The following GSK3B variants were observed in gnomAD, a reference collection of about 807,000 sequenced individuals.
GSK3B encodes glycogen synthase kinase-3 beta.
GSK3B carries 15 observed loss-of-function variants against 56.4 expected under a neutral mutation model. The ratio of observed to expected loss-of-function variants is 0.27; its 90% CI spans 0.18 to 0.41. The LOEUF (loss-of-function observed/expected upper bound fraction) is 0.41. Ranked by LOEUF, GSK3B falls within the 10% of genes least tolerant of loss-of-function variation. The pLI, the probability that GSK3B is intolerant of heterozygous loss-of-function variation, is 1.00. For missense variants in GSK3B, 300 were observed against 513.4 expected (o/e 0.58, Z 4.02); for synonymous variants, 181 against 188.9 (o/e 0.96, Z 0.34).
At chr3:119,858,495 C>T (rs993595510) in intron 9 of GSK3B, among the ~76,000 whole-genome samples, 7 of 152,222 alleles carry the variant, frequency 4.6e-5, no homozygotes, top group South Asian at 2.1e-4. Context: ...TTCCTTGTAG[C>T]TTCCTCACCT....
chr3:120,068,760 T>C (rs1029831797), intron 1 of GSK3B, among the ~76,000 whole-genome samples: 4 of 151,654 alleles, frequency 2.6e-5, no homozygotes, highest in South Asian at 2.1e-4. Flanking sequence ...AGTAACGGTA[T>C]AGAAAAAGTA....
Position 119,822,463 on chromosome 3 carries a change from G to C in GSK3B, c.*4325C>G, listed in dbSNP as rs190739224. 23 of 223,342 alleles carry C rather than the reference G, an allele frequency of 1.0e-4. No individual in the cohort carries two copies. Among genetic ancestry groups the C allele is most frequent in the African/African-American group, 4.9e-4 (22 of 44,876 alleles). 13.8% of individuals were successfully genotyped at this position (223,342 alleles called of 1,614,324 possible). On this transcript the variant is annotated 3_prime_UTR_variant, in exon 11 of 11. Coordinates refer to ENST00000264235, the MANE Select transcript of GSK3B (RefSeq NM_001146156.2). ...AAAAAAACTTAAAAATTAACACAAG[G>C]AAGTCTACTTTGTCAAGCTAACCCC...
intron 2 of GSK3B, among the ~76,000 whole-genome samples, chr3:119,958,687 C>G (rs1049644735): frequency 6.6e-6 from 1 of 151,152 alleles, no homozygotes; most frequent in East Asian, 1.9e-4. Flanking sequence ...CTCCCTCGAC[C>G]CTGGAAGAAA....
chr3:119,913,531 C>T (rs931666828), intron 5 of GSK3B, among the ~76,000 whole-genome samples: 2 of 151,692 alleles, frequency 1.3e-5, no homozygotes, highest in Admixed American at 6.6e-5. Flanking sequence ...TTTGAGATGT[C>T]GCCCAAGATA....
At chr3:120,005,668 G>T (rs567708547) in intron 1 of GSK3B, among the ~76,000 whole-genome samples, 1 of 152,190 alleles carries the variant, frequency 6.6e-6, no homozygotes, top group South Asian at 2.1e-4. Context: ...TTCATATCCC[G>T]CCAAACTAAG....
intron 7 of GSK3B, among the ~76,000 whole-genome samples, chr3:119,902,672 C>T (rs2056636450): frequency 1.3e-5 from 2 of 152,144 alleles, no homozygotes; most frequent in African/African-American, 2.4e-5. Flanking sequence ...GTTGGGATTA[C>T]AGGTGTTAGC....
At chr3:119,916,286 GA>G (rs1189799530) in intron 4 of GSK3B, 112 bp from the exon 5 acceptor site, 2 of 796,102 alleles carry the variant, frequency 2.5e-6, no homozygotes, top group Non-Finnish European at 4.0e-6. Context: ...AAATGCTATG[GA>G]TTACTGGCAC....
At chr3:120,032,335 G>A (rs1043915461) in intron 1 of GSK3B, among the ~76,000 whole-genome samples, 4 of 151,980 alleles carry the variant, frequency 2.6e-5, no homozygotes, top group South Asian at 2.1e-4. Flanking sequence ...ATTAGCCAAG[G>A]GTAGTGGCAG....
intron 1 of GSK3B, among the ~76,000 whole-genome samples, chr3:120,053,148 C>A (rs749962027): frequency 1.3e-5 from 2 of 152,066 alleles, no homozygotes; most frequent in Non-Finnish European, 2.9e-5. Flanking sequence ...ACCAGCCTGG[C>A]CAACATGGTG....
At chr3:119,836,080 G>A (rs2055686185) in intron 10 of GSK3B, among the ~76,000 whole-genome samples, 4 of 152,140 alleles carry the variant, frequency 2.6e-5, no homozygotes, top group Non-Finnish European at 5.9e-5. Context: ...GTAATTGTAA[G>A]ACAAAGGGGC....
chr3:119,877,542 T>C (rs1056020675), intron 7 of GSK3B, among the ~76,000 whole-genome samples: 2 of 152,194 alleles, frequency 1.3e-5, no homozygotes, highest in African/African-American at 4.8e-5. Context: ...ATGCGGAACC[T>C]GTAGATATGG....
At chr3:119,865,590 C>G (rs1173558596) in intron 8 of GSK3B, among the ~76,000 whole-genome samples, 1 of 149,964 alleles carries the variant, frequency 6.7e-6, no homozygotes, top group Non-Finnish European at 1.5e-5. Flanking sequence ...CTGCCTCAGC[C>G]TCCCGAGTAG....
In GSK3B at chr3:119,886,639, T is replaced by C. The variant is rs139384029; in HGVS notation, c.814-10131A>G. On this transcript the variant is annotated intron_variant, in intron 7 of 10. Transcript: ENST00000264235. Reference sequence around the variant, plus strand: ...AATCAACCTAGATGCCCATCAACAGTGGACTAGATAAAGAAAATGTGGTAC... The same window carrying C: ...AATCAACCTAGATGCCCATCAACAGCGGACTAGATAAAGAAAATGTGGTAC... Among the ~76,000 whole-genome samples, 349 of 152,054 alleles carry C rather than the reference T, an allele frequency of 2.3e-3. 2 individuals are homozygous for C. Among genetic ancestry groups the C allele is most frequent in the African/African-American group, 7.5e-3 (313 of 41,488 alleles).
At chr3:120,000,924 T>C (rs2057670251) in intron 2 of GSK3B, among the ~76,000 whole-genome samples, 1 of 125,550 alleles carries the variant, frequency 8.0e-6, no homozygotes, top group African/African-American at 3.6e-5. Context: ...TCTCCTTTTT[T>C]TTTTTTTTTT....
Position 119,922,220 on chromosome 3 carries a change from A to AGGAGGGAGGGAG in GSK3B, c.477+1152_477+1153insCTCCCTCCCTCC, listed in dbSNP as rs1280326048. ...AGGTAGGGAAGGAGGGAAGGAAGGA[A>AGGAGGGAGGGAG]GGAAGGAGGGAAGGAAGGAAGGAAG... On this transcript the variant is annotated intron_variant, in intron 4 of 10. Coordinates refer to ENST00000264235, the MANE Select transcript of GSK3B (RefSeq NM_001146156.2). Among the ~76,000 whole-genome samples the AGGAGGGAGGGAG allele has an allele frequency of 1.0e-3, 110 of 105,056 alleles. 1 individual carries two copies. Among genetic ancestry groups the AGGAGGGAGGGAG allele is most frequent in the African/African-American group, 4.6e-3 (107 of 23,176 alleles). The allele number at this position is 105,056 out of a possible 152,430, so 68.9% of individuals were successfully genotyped here. A position where few individuals can be genotyped will look rare whatever the true frequency, so the allele number is the denominator to read the frequency against.
At chr3:119,943,787 G>A (rs942039162) in intron 3 of GSK3B, among the ~76,000 whole-genome samples, 1 of 151,736 alleles carries the variant, frequency 6.6e-6, no homozygotes, top group African/African-American at 2.4e-5. Context: ...AAGGGTGTGG[G>A]GGAGAAGAGA....
intron 1 of GSK3B, among the ~76,000 whole-genome samples, chr3:120,069,611 G>C (rs2058309806): frequency 6.6e-6 from 1 of 150,516 alleles, no homozygotes; most frequent in Non-Finnish European, 1.5e-5. Flanking sequence ...ATACCTAACG[G>C]TCAATACAAA....
intron 7 of GSK3B, among the ~76,000 whole-genome samples, chr3:119,883,942 C>T (rs545831005): frequency 2.6e-5 from 4 of 152,160 alleles, no homozygotes; most frequent in African/African-American, 9.6e-5. Context: ...AGGAGATCTC[C>T]ACCAAGTGGT....
intron 3 of GSK3B, among the ~76,000 whole-genome samples, chr3:119,924,538 G>T (rs541796270): frequency 6.7e-6 from 1 of 149,072 alleles, no homozygotes; most frequent in Admixed American, 6.6e-5. Flanking sequence ...AGCATTTCAC[G>T]CAGAGAGAGA....
Sources: gnomAD v4.1 joint callset for allele counts (sites outside exome capture counted in the v4.1 genomes callset) on GRCh38, gnomAD v4.1.1 for gene constraint, MANE v1.5 for transcripts, NCBI Gene and HGNC (gene_info 2026-07-23, HGNC 2026-07-21) for gene names.